CNKSR2: variants seen among roughly 807,000 people sequenced by gnomAD.
The protein encoded by CNKSR2 is CNK homolog protein 2.
Under a neutral mutation model 84.4 loss-of-function variants are expected in CNKSR2, and 14 were observed. That is an observed-to-expected ratio of 0.17 (90% confidence interval 0.11 to 0.26). CNKSR2 has a LOEUF of 0.26. CNKSR2 is among the 10% of genes least tolerant of loss of function. The pLI, the probability that CNKSR2 is intolerant of heterozygous loss-of-function variation, is 1.00. For synonymous variants in CNKSR2, 275 were observed against 277.9 expected, an observed-to-expected ratio of 0.99 and a Z score of 0.10; for missense variants, 485 against 771.2, an observed-to-expected ratio of 0.63 and a Z score of 4.40.
At chrX:21,624,978 C>T (rs1247081162) in intron 20 of CNKSR2, among the ~76,000 whole-genome samples, 1 of 111,776 alleles carries the variant, frequency 8.9e-6, no homozygotes, top group Non-Finnish European at 1.9e-5. Flanking sequence ...AGGTAGAATA[C>T]TAATTCTTAT....
intron 8 of CNKSR2, chrX:21,505,703 C>A (rs1171063176): frequency 9.0e-6 from 1 of 111,013 alleles, no homozygotes; most frequent in African/African-American, 3.3e-5. Context: ...AAAGGAGAAG[C>A]CAACATAATC....
At chrX:21,466,888 A>G (rs982823901) in intron 4 of CNKSR2, among the ~76,000 whole-genome samples, 7 of 111,633 alleles carry the variant, frequency 6.3e-5, no homozygotes, top group African/African-American at 2.3e-4. Flanking sequence ...CCTGGCTTCT[A>G]TTTTTAATAT....
chrX:21,527,893 C>T (rs1424146534), intron 10 of CNKSR2, among the ~76,000 whole-genome samples: 2 of 110,596 alleles, frequency 1.8e-5, no homozygotes, highest in Non-Finnish European at 3.8e-5. Context: ...GTTTAATTTC[C>T]ATTATTCTTT....
chrX:21,580,625 A>T (rs747677939), intron 13 of CNKSR2, among the ~76,000 whole-genome samples: 1 of 112,022 alleles, frequency 8.9e-6, no homozygotes, highest in African/African-American at 3.2e-5. Flanking sequence ...TTCAGTAAAT[A>T]TGATTCAGTC....
chrX:21,495,023 A>G lies in CNKSR2; in HGVS notation c.682-2764A>G, dbSNP rs752515884. 1.3e-4 allele frequency: 15 copies of G among 112,723 alleles called. No homozygotes were observed. In the South Asian group the frequency reaches 2.2e-3, roughly 16 times the overall value. 9.3% of individuals were successfully genotyped at this position (112,723 alleles called of 1,213,427 possible). Reference sequence around the variant, plus strand: ...TTATTCTTTTAGCTACATTTCATATACTACATATTTGCTAAAGTGGTCTTA... The same window carrying G: ...TTATTCTTTTAGCTACATTTCATATGCTACATATTTGCTAAAGTGGTCTTA... On this transcript the variant is annotated intron_variant, in intron 6 of 21. Coordinates refer to ENST00000379510, the MANE Select transcript of CNKSR2 (RefSeq NM_014927.5).
chrX:21,528,065 G>A (rs763301501), intron 10 of CNKSR2, among the ~76,000 whole-genome samples: 2 of 110,576 alleles, frequency 1.8e-5, no homozygotes, highest in South Asian at 7.4e-4. Flanking sequence ...AGTTCTTTGA[G>A]AATTAAATAT....
chrX:21,463,877 G>C (rs1363134886), intron 4 of CNKSR2, among the ~76,000 whole-genome samples: 2 of 111,582 alleles, frequency 1.8e-5, no homozygotes, highest in Admixed American at 1.9e-4. Flanking sequence ...GTGAAAGGAA[G>C]GGGCCTTCTT....
intron 4 of CNKSR2, among the ~76,000 whole-genome samples, chrX:21,447,498 CT>C (rs767511130): frequency 1.7e-4 from 19 of 111,435 alleles, no homozygotes; most frequent in African/African-American, 4.6e-4. Flanking sequence ...GAAGAGGTAA[CT>C]TTTACCTTTA....
At chrX:21,463,104 A>G (rs1348403041) in intron 4 of CNKSR2, among the ~76,000 whole-genome samples, 2 of 111,334 alleles carry the variant, frequency 1.8e-5, no homozygotes, top group Non-Finnish European at 1.9e-5. Flanking sequence ...ATTTTTGCCC[A>G]TCATTCTTTT....
In CNKSR2 at chrX:21,594,846, T is replaced by C. The variant is rs1307972069; in HGVS notation, c.1831-128T>C. 1.3e-5 allele frequency: 6 copies of C among 452,252 alleles called. No individual in the cohort carries two copies. The East Asian group carries it at 1.9e-4, about 14-fold the overall frequency. 37.3% of individuals were successfully genotyped at this position (452,252 alleles called of 1,213,427 possible). A position where few individuals can be genotyped will look rare whatever the true frequency, so the allele number is the denominator to read the frequency against. On this transcript the variant is annotated intron_variant, in intron 15 of 21. Coordinates refer to ENST00000379510, the MANE Select transcript of CNKSR2 (RefSeq NM_014927.5). ...CAGGTAAGCATTGAATTCTTATCTC[T>C]AAAATGTCAAATTTAAGGAATTAAA...
At chrX:21,515,160 T>C (rs1355201303) in intron 8 of CNKSR2, among the ~76,000 whole-genome samples, 1 of 111,529 alleles carries the variant, frequency 9.0e-6, no homozygotes, top group African/African-American at 3.3e-5. Flanking sequence ...TTGTTCTAAC[T>C]TCACCAACAC....
intron 5 of CNKSR2, among the ~76,000 whole-genome samples, chrX:21,487,372 G>C (rs1422024374): frequency 8.9e-6 from 1 of 111,958 alleles, no homozygotes; most frequent in African/African-American, 3.2e-5. Context: ...CTCATTACAA[G>C]AGTGTTATAT....
intron 20 of CNKSR2, among the ~76,000 whole-genome samples, chrX:21,646,470 A>G (rs750626217): frequency 1.8e-5 from 2 of 112,078 alleles, no homozygotes; most frequent in African/African-American, 6.5e-5. Context: ...TTATAAAATC[A>G]GTTATCTGCC....
chrX:21,611,801 A>T (rs2092551611), intron 20 of CNKSR2, among the ~76,000 whole-genome samples: 1 of 111,534 alleles, frequency 9.0e-6, no homozygotes, highest in East Asian at 2.8e-4. Context: ...GTGTCAGTAA[A>T]TTTGGTATTG....
At chrX:21,462,700 C>A in intron 4 of CNKSR2, among the ~76,000 whole-genome samples, 1 of 104,802 alleles carries the variant, frequency 9.5e-6, no homozygotes, top group African/African-American at 3.8e-5. Flanking sequence ...AGGTATCTTT[C>A]TTCTATACCC....
chrX:21,521,435 T>G (rs2091782528), intron 9 of CNKSR2, among the ~76,000 whole-genome samples: 2 of 110,822 alleles, frequency 1.8e-5, no homozygotes, highest in African/African-American at 6.5e-5. Context: ...TTTCAAGATT[T>G]TAATAGTGGC....
chrX:21,552,132 A>C (rs975182345), intron 11 of CNKSR2, among the ~76,000 whole-genome samples: 12 of 110,527 alleles, frequency 1.1e-4, no homozygotes, highest in Non-Finnish European at 1.7e-4. Flanking sequence ...AATGGTAGCT[A>C]GGTAAAGTTT....
chrX:21,402,692 A>G (rs1193826688), intron 1 of CNKSR2, among the ~76,000 whole-genome samples: 3 of 111,197 alleles, frequency 2.7e-5, no homozygotes, highest in Non-Finnish European at 5.7e-5. Context: ...TTTAGGACAT[A>G]ATTCTTAAAT....
At chrX:21,598,026 T>TATATAC (rs1555957289) in intron 17 of CNKSR2, among the ~76,000 whole-genome samples, 2 of 103,727 alleles carry the variant, frequency 1.9e-5, no homozygotes, top group East Asian at 6.0e-4. Flanking sequence ...TATATATATA[T>TATATAC]ACACACACAC....
Sources: allele counts gnomAD v4.1 joint callset (sites outside exome capture counted in the v4.1 genomes callset), GRCh38; gene constraint gnomAD v4.1.1; transcripts MANE v1.5; gene names NCBI Gene and HGNC (gene_info 2026-07-23, HGNC 2026-07-21).